The following CHP1 variants were observed in gnomAD, a reference collection of about 807,000 sequenced individuals.
CHP1 encodes the protein calcineurin like EF-hand protein 1.
CHP1 carries 11 observed loss-of-function variants against 27.4 expected under a neutral mutation model. The ratio of observed to expected loss-of-function variants is 0.40; its 90% CI spans 0.25 to 0.67. The LOEUF is 0.67. CHP1 is among the 30% of genes least tolerant of loss of function. The pLI is 0.38. For synonymous variants in CHP1, 89 were observed against 87.4 expected, an observed-to-expected ratio of 1.02 and a Z score of -0.10; for missense variants, 169 against 251.3, an observed-to-expected ratio of 0.67 and a Z score of 2.22.
In CHP1 at chr15:41,279,752, T is replaced by C. The variant is rs2047536728; in HGVS notation, c.*363T>C. The C allele has an allele frequency of 4.9e-6, 1 of 204,698 alleles. No homozygotes were observed. Among genetic ancestry groups the C allele is most frequent in the African/African-American group, 2.3e-5 (1 of 43,486 alleles). The allele number at this position is 204,698 out of a possible 1,614,324, so 12.7% of individuals were successfully genotyped here. A position where few individuals can be genotyped will look rare whatever the true frequency, so the allele number is the denominator to read the frequency against. ...TTTCACCAGATGTAGACTGTAGCCC[T>C]GCTGCCTTCCCTCCAGCGAGTCTGC... On this transcript the variant is annotated 3_prime_UTR_variant, in exon 7 of 7. Transcript: ENST00000334660.
intron 2 of CHP1, among the ~76,000 whole-genome samples, chr15:41,255,391 G>T (rs1436047245): frequency 6.6e-6 from 1 of 152,216 alleles, no homozygotes; most frequent in Non-Finnish European, 1.5e-5. Flanking sequence ...AAAATTGGGG[G>T]ACTGGGTGCG....
chr15:41,255,764 C>T (rs2047397355), intron 2 of CHP1, among the ~76,000 whole-genome samples: 1 of 151,964 alleles, frequency 6.6e-6, no homozygotes, highest in Non-Finnish European at 1.5e-5. Flanking sequence ...GTAATCCCAC[C>T]CAGCACTTTG....
At chr15:41,266,984 A>G (rs2047464548) in intron 4 of CHP1, among the ~76,000 whole-genome samples, 1 of 152,064 alleles carries the variant, frequency 6.6e-6, no homozygotes, top group Non-Finnish European at 1.5e-5. Flanking sequence ...TGGGCGACAG[A>G]GCAAGACTCC....
At chr15:41,274,253 C>G (rs574238177) in intron 5 of CHP1, among the ~76,000 whole-genome samples, 1 of 152,260 alleles carries the variant, frequency 6.6e-6, no homozygotes, top group South Asian at 2.1e-4. Flanking sequence ...GCCACCGCAC[C>G]TGGCCTAATA....
At chr15:41,240,402 AC>A (rs1033901422) in intron 1 of CHP1, among the ~76,000 whole-genome samples, 1 of 152,200 alleles carries the variant, frequency 6.6e-6, no homozygotes, top group Non-Finnish European at 1.5e-5. Context: ...AGTATGAATT[AC>A]TAAATGAAAA....
intron 2 of CHP1, among the ~76,000 whole-genome samples, chr15:41,251,473 A>T (rs539974655): frequency 6.6e-6 from 1 of 152,070 alleles, no homozygotes; most frequent in Non-Finnish European, 1.5e-5. Flanking sequence ...GGGGTCCCCA[A>T]CCTCTGGGTT....
chr15:41,270,538 T>C lies in CHP1; in HGVS notation c.350-19T>C. 5.6e-6 allele frequency: 9 copies of C among 1,605,454 alleles called. No individual in the cohort carries two copies. Among genetic ancestry groups the C allele is most frequent in the Non-Finnish European group, 7.7e-6 (9 of 1,172,218 alleles). On this transcript the variant is annotated intron_variant, in intron 4 of 6. Transcript: ENST00000334660. Reference sequence around the variant, plus strand: ...ACACACTACAGAATTTTGACTAACTTTGTGTTTTTCCCTTACAGTTGCTTT... The same window carrying C: ...ACACACTACAGAATTTTGACTAACTCTGTGTTTTTCCCTTACAGTTGCTTT...
intron 4 of CHP1, 27 bp downstream of exon 4, chr15:41,262,910 A>G (rs757303065): frequency 5.6e-6 from 9 of 1,608,870 alleles, no homozygotes; most frequent in Non-Finnish European, 7.6e-6. Flanking sequence ...TTCTGGCTTA[A>G]AATACTTGCT....
intron 2 of CHP1, among the ~76,000 whole-genome samples, chr15:41,253,162 C>A (rs1265667654): frequency 6.6e-6 from 1 of 151,690 alleles, no homozygotes; most frequent in African/African-American, 2.4e-5. Context: ...TGGTCTTGAT[C>A]TCTTGACCTC....
Position 41,273,165 on chromosome 15 carries a change from A to AAT in CHP1, c.411+2558_411+2559dup, listed in dbSNP as rs535839294. ...CACTGAATCCAGCAATATAAAATAT[A>AAT]ATATATATATATTTAAAGCCAAAGA... On this transcript the variant is annotated intron_variant, in intron 5 of 6. Transcript: ENST00000334660. Among the ~76,000 whole-genome samples, 623 of 151,924 alleles carry AAT rather than the reference A, an allele frequency of 4.1e-3. 3 individuals are homozygous for AAT. The highest frequency in any genetic ancestry group is 0.022 in the South Asian group (108 of 4,818).
At chr15:41,278,700 T>G in intron 5 of CHP1, 67 bp from the exon 6 acceptor site, 1 of 1,599,484 alleles carries the variant, frequency 6.3e-7, no homozygotes, top group East Asian at 2.2e-5. Flanking sequence ...TAGCTTTATT[T>G]TTAATCTTAG....
At chr15:41,279,232 G>T in intron 6 of CHP1, 104 bp from the exon 7 acceptor site, 2 of 897,510 alleles carry the variant, frequency 2.2e-6, no homozygotes, top group Non-Finnish European at 3.5e-6. Context: ...AAAAAGTTAC[G>T]TTTTACTGCA....
At chr15:41,262,995 C>T (rs1476582999) in intron 4 of CHP1, 112 bp downstream of exon 4, 2 of 1,364,952 alleles carry the variant, frequency 1.5e-6, no homozygotes, top group Non-Finnish European at 2.0e-6. Flanking sequence ...CTGGTTAAGA[C>T]CTCAGACTCT....
intron 1 of CHP1, among the ~76,000 whole-genome samples, chr15:41,242,368 A>G (rs1595471676): frequency 6.6e-6 from 1 of 152,162 alleles, no homozygotes; most frequent in African/African-American, 2.4e-5. Flanking sequence ...CCCAACACCT[A>G]CCTAGCCGTA....
intron 3 of CHP1, among the ~76,000 whole-genome samples, chr15:41,260,831 A>G (rs2047429113): frequency 6.6e-6 from 1 of 152,168 alleles, no homozygotes; most frequent in South Asian, 2.1e-4. Flanking sequence ...GTTAAAAAAA[A>G]AGGCAGGATA....
rs141827059 is a variant in CHP1, at chr15:41,249,360, C to A, written c.140+5621C>A. The stretch of plus-strand genomic sequence containing the variant: ...TAGAGAGGAGGTCTCGCCATGTTCC[C>A]CATGACTGGTCTCGAACTCCTGAAC... On this transcript the variant is annotated intron_variant, in intron 2 of 6. Coordinates refer to ENST00000334660, the MANE Select transcript of CHP1 (RefSeq NM_007236.5). Among the ~76,000 whole-genome samples, 6 of 151,872 alleles carry A rather than the reference C, an allele frequency of 4.0e-5. No individual in the cohort carries two copies. The East Asian group carries it at 1.2e-3, about 29-fold the overall frequency.
At chr15:41,251,834 G>A (rs1009907003) in intron 2 of CHP1, among the ~76,000 whole-genome samples, 18 of 150,958 alleles carry the variant, frequency 1.2e-4, no homozygotes, top group African/African-American at 4.4e-4. Context: ...TTAGAGACAG[G>A]GTTTCCCTAT....
intron 3 of CHP1, among the ~76,000 whole-genome samples, chr15:41,262,265 T>G (rs1284465267): frequency 5.9e-5 from 9 of 152,156 alleles, no homozygotes; most frequent in Admixed American, 5.9e-4. Context: ...AAATAAACTT[T>G]ATTTTAAAAG....
intron 1 of CHP1, among the ~76,000 whole-genome samples, chr15:41,235,200 G>C (rs537614495): frequency 5.3e-5 from 8 of 152,034 alleles, no homozygotes; most frequent in Admixed American, 1.3e-4. Context: ...CTTAATTGTA[G>C]CAATAAGCTG....
Sources: allele counts gnomAD v4.1 joint callset (sites outside exome capture counted in the v4.1 genomes callset), GRCh38; gene constraint gnomAD v4.1.1; transcripts MANE v1.5; gene names NCBI Gene and HGNC (gene_info 2026-07-23, HGNC 2026-07-21).